Variants in ZNF525 observed in about 807,000 individuals in gnomAD.
The protein encoded by ZNF525 is zinc finger protein 525.
In ZNF525, 33 loss-of-function variants were observed where a neutral mutation model predicts 37.6. The ratio of observed to expected loss-of-function variants is 0.88; its 90% CI spans 0.67 to 1.17. The LOEUF is 1.17. ZNF525 is among the 50% of genes most tolerant of loss of function. The pLI is 0.00. For synonymous variants in ZNF525, 170 were observed against 182.3 expected, an observed-to-expected ratio of 0.93 and a Z score of 0.54; for missense variants, 449 against 543.1, an observed-to-expected ratio of 0.83 and a Z score of 1.72.
At chr19:53,366,093 A>G (rs1216785402) in intron 1 of ZNF525, among the ~76,000 whole-genome samples, 2 of 152,036 alleles carry the variant, frequency 1.3e-5, no homozygotes, top group Non-Finnish European at 2.9e-5. Flanking sequence ...GGCGCCTCCC[A>G]GCCTCGCCCT....
chr19:53,366,481 C>G (rs868705478), intron 1 of ZNF525, among the ~76,000 whole-genome samples: 14 of 150,698 alleles, frequency 9.3e-5, no homozygotes, highest in South Asian at 8.4e-4. Flanking sequence ...ATGAGAAAGG[C>G]CCATAACAGA....
At chr19:53,375,632 GT>G in intron 2 of ZNF525, 137 bp from the exon 3 acceptor site, 1 of 1,597,148 alleles carries the variant, frequency 6.3e-7, no homozygotes, top group Middle Eastern at 1.7e-4. Context: ...ACAAAATGCA[GT>G]GAAAAACCCC....
Position 53,383,966 on chromosome 19 carries a change from ACT to A in ZNF525, c.*1948_*1949del, listed in dbSNP as rs2147076375. On this transcript the variant is annotated 3_prime_UTR_variant, in exon 4 of 4. Coordinates refer to ENST00000474037, the MANE Select transcript of ZNF525 (RefSeq NM_001348156.2). ...CCTCATTAGACATCAGAGAATCCAT[ACT>A]GGACAGAAATCTTACAAATGTCATC... 3 of 800,280 alleles carry A rather than the reference ACT, an allele frequency of 3.7e-6. No individual in the cohort carries two copies. In the South Asian group the frequency reaches 4.0e-5, roughly 11 times the overall value. The allele number at this position is 800,280 out of a possible 1,614,324, so 49.6% of individuals were successfully genotyped here.
At chr19:53,366,899 A>T (rs2147061473) in intron 1 of ZNF525, among the ~76,000 whole-genome samples, 1 of 152,194 alleles carries the variant, frequency 6.6e-6, no homozygotes, top group Non-Finnish European at 1.5e-5. Flanking sequence ...TATGGGGGAG[A>T]CAGGAGGATG....
chr19:53,380,770 G>C lies in ZNF525; in HGVS notation c.191G>C (p.Gly64Ala), dbSNP rs1398924641. ...AAGGAGTTCTCATCAACAGCACAAGGCAATACAGAAGTGATCCACACAGGG... is the reference window on the plus strand; with the variant it reads ...AAGGAGTTCTCATCAACAGCACAAGCCAATACAGAAGTGATCCACACAGGG... Reference protein sequence around the residue: ...TMKEFSSTAQGNTEVIHTGTL... With the variant: ...TMKEFSSTAQANTEVIHTGTL... The change falls in exon 4 of 4, where the codon GGC (glycine) becomes GCC (alanine). Residue 64 changes from glycine to alanine, a missense_variant. By Grantham distance (60) the Gly-to-Ala change is moderately conservative. Around this residue, in one of 2 missense-constraint regions of ZNF525, gnomAD observed 271 missense variants for 381.6 expected, o/e 0.71. Coordinates refer to ENST00000474037, the MANE Select transcript of ZNF525 (RefSeq NM_001348156.2). 7.3e-7 allele frequency: 1 copy of C among 1,361,234 alleles called. No homozygotes were observed. Among genetic ancestry groups the C allele is most frequent in the African/African-American group, 1.4e-5 (1 of 69,732 alleles). 84.3% of individuals were successfully genotyped at this position (1,361,234 alleles called of 1,614,324 possible).
chr19:53,381,527 A>G lies in ZNF525; in HGVS notation c.948A>G (p.Arg316=), dbSNP rs1429644812. Residue 316 remains arginine (R), a synonymous_variant, in exon 4 of 4, where the codon AGA becomes AGG. Transcript: ENST00000474037. ...TCAGACACAATTCAGCCCTTCAAAG[A>G]CATAGGAGAATTCATACTGGAGAGA... is the stretch of plus-strand genomic sequence containing the variant. ...KAFRHNSALQ[R]HRRIHTGEKP... 7 of 1,257,040 alleles carry G rather than the reference A, an allele frequency of 5.6e-6. No homozygotes were observed. Among genetic ancestry groups the G allele is most frequent in the Non-Finnish European group, 8.2e-6 (7 of 854,170 alleles). 77.9% of individuals were successfully genotyped at this position (1,257,040 alleles called of 1,614,324 possible). A position where few individuals can be genotyped will look rare whatever the true frequency, so the allele number is the denominator to read the frequency against.
intron 1 of ZNF525, among the ~76,000 whole-genome samples, chr19:53,368,454 G>A (rs2085463180): frequency 6.6e-6 from 1 of 152,160 alleles, no homozygotes; most frequent in African/African-American, 2.4e-5. Flanking sequence ...TAAGAGCTAG[G>A]GGCTTGAAAC....
At position 53,373,754 on chromosome 19, in the gene ZNF525, G is replaced by A. The variant is rs545951736; in HGVS notation, c.15+1458G>A. On this transcript the variant is annotated intron_variant, in intron 2 of 3. Coordinates refer to ENST00000474037, the MANE Select transcript of ZNF525 (RefSeq NM_001348156.2). ...AGAGAATGACTTGAACCTGGGAAGC[G>A]GAGGTTGCAGTGAGATGAGATTGTG... 1.2e-4 allele frequency among the ~76,000 whole-genome samples: 18 copies of A among 151,954 alleles called. 1 individual carries two copies. In the South Asian group the frequency reaches 3.3e-3, roughly 28 times the overall value.
At chr19:53,375,421 C>T (rs1179651132) in intron 2 of ZNF525, among the ~76,000 whole-genome samples, 6 of 152,012 alleles carry the variant, frequency 3.9e-5, no homozygotes, top group African/African-American at 1.4e-4. Flanking sequence ...TCCGTTTCTA[C>T]TAAAAATACA....
chr19:53,381,220 C>T lies in ZNF525; in HGVS notation c.641C>T (p.Ser214Phe). The change falls in exon 4 of 4, where the codon TCT (serine) becomes TTT (phenylalanine). Residue 214 changes from serine to phenylalanine, a missense_variant. Ser to Phe is a radical substitution (Grantham distance 155, BLOSUM62 -2). Around this residue, in one of 2 missense-constraint regions of ZNF525, gnomAD observed 271 missense variants for 381.6 expected, o/e 0.71. Transcript: ENST00000474037. ...CAGGAAGTACGCATGAGAGAAAAATCTTTCCAATGTATTGAGAGTGGCAAA... is the reference window on the plus strand; with the variant it reads ...CAGGAAGTACGCATGAGAGAAAAATTTTTCCAATGTATTGAGAGTGGCAAA... ...QRQEVRMREK[S>F]FQCIESGKAF... The T allele has an allele frequency of 7.4e-7, 1 of 1,348,612 alleles. No individual in the cohort carries two copies. Among genetic ancestry groups the T allele is most frequent in the Non-Finnish European group, 1.1e-6 (1 of 937,804 alleles). 83.5% of individuals were successfully genotyped at this position (1,348,612 alleles called of 1,614,324 possible).
At chr19:53,368,098 G>A (rs1184246005) in intron 1 of ZNF525, among the ~76,000 whole-genome samples, 2 of 151,028 alleles carry the variant, frequency 1.3e-5, no homozygotes, top group African/African-American at 2.4e-5. Context: ...ATTTCTCCTT[G>A]TTGCAATGGG....
intron 3 of ZNF525, among the ~76,000 whole-genome samples, chr19:53,377,145 A>G (rs1412628501): frequency 6.6e-6 from 1 of 152,214 alleles, no homozygotes; most frequent in East Asian, 1.9e-4. Context: ...GGACACATAT[A>G]CCAGTTTCTG....
chr19:53,366,639 A>G (rs948051682), intron 1 of ZNF525, among the ~76,000 whole-genome samples: 1 of 151,202 alleles, frequency 6.6e-6, no homozygotes, highest in African/African-American at 2.4e-5. Flanking sequence ...CAAGGTAGGG[A>G]GAGGGACAGC....
chr19:53,382,126 T>C lies in ZNF525; in HGVS notation c.*107T>C, dbSNP rs960419893. 7.6e-6 allele frequency: 12 copies of C among 1,578,244 alleles called. No homozygotes were observed. The highest frequency in any genetic ancestry group is 3.4e-5 in the Admixed American group (2 of 58,042). ...TCATCCATTGTATACCATCATAAATTTCATAGTGGAGAGAAACCTTACAAA... is the reference window on the plus strand; with the variant it reads ...TCATCCATTGTATACCATCATAAATCTCATAGTGGAGAGAAACCTTACAAA... On this transcript the variant is annotated 3_prime_UTR_variant, in exon 4 of 4. Transcript: ENST00000474037.
At chr19:53,375,485 T>C (rs1048203452) in intron 2 of ZNF525, among the ~76,000 whole-genome samples, 11 of 152,166 alleles carry the variant, frequency 7.2e-5, no homozygotes, top group African/African-American at 2.4e-4. Context: ...CTCAGGAGGC[T>C]AAGGCAGGAG....
At chr19:53,369,867 G>A (rs1250263281) in intron 1 of ZNF525, among the ~76,000 whole-genome samples, 1 of 140,872 alleles carries the variant, frequency 7.1e-6, no homozygotes, top group Non-Finnish European at 1.5e-5. Flanking sequence ...TGGGACTACA[G>A]GCGCCCGCCA....
chr19:53,377,955 AT>A (rs1160593586), intron 3 of ZNF525, among the ~76,000 whole-genome samples: 1 of 152,070 alleles, frequency 6.6e-6, no homozygotes, highest in African/African-American at 2.4e-5. Context: ...GTTTAATTAG[AT>A]TTGTCAGCCT....
At chr19:53,367,069 C>T (rs2085453357) in intron 1 of ZNF525, among the ~76,000 whole-genome samples, 1 of 152,056 alleles carries the variant, frequency 6.6e-6, no homozygotes, top group Admixed American at 6.6e-5. Context: ...TGTGTCCTTC[C>T]ATAGCTGGTG....
In ZNF525 at chr19:53,386,479, G is replaced by C; in HGVS notation, c.*4460G>C. 2 of 647,734 alleles carry C rather than the reference G, an allele frequency of 3.1e-6. No homozygotes were observed. The highest frequency in any genetic ancestry group is 5.6e-6 in the Non-Finnish European group (2 of 355,664). 40.1% of individuals were successfully genotyped at this position (647,734 alleles called of 1,614,324 possible). ...AAGCTGAAAATGTCACCACTATCTG[G>C]ACAGTTGGACATGTTTTATTGGGAA... is the stretch of plus-strand genomic sequence containing the variant. On this transcript the variant is annotated 3_prime_UTR_variant, in exon 4 of 4. Coordinates refer to ENST00000474037, the MANE Select transcript of ZNF525 (RefSeq NM_001348156.2).
Sources: allele counts gnomAD v4.1 joint callset (sites outside exome capture counted in the v4.1 genomes callset), GRCh38; gene constraint gnomAD v4.1.1; regional missense constraint gnomAD v4.1.1; transcripts MANE v1.5; gene names NCBI Gene and HGNC (gene_info 2026-07-23, HGNC 2026-07-21).